CHN2: variants seen among roughly 807,000 people sequenced by gnomAD.
CHN2 encodes the protein chimerin 2, also known as beta-chimaerin.
CHN2 carries 35 observed loss-of-function variants against 56.3 expected under a neutral mutation model. The observed-to-expected ratio is 0.62, with a 90% CI of 0.47 to 0.82. The LOEUF (loss-of-function observed/expected upper bound fraction) is 0.82, where lower values mean the gene tolerates loss of function less well. Among genes scored for constraint, CHN2 ranks in the 40% least tolerant of loss-of-function variants. The pLI is 0.00. For missense variants in CHN2, 491 were observed against 580.5 expected (o/e 0.85, Z 1.58); for synonymous variants, 210 against 212.8 (o/e 0.99, Z 0.12).
At chr7:29,181,391 G>C (rs961797828) in intron 2 of CHN2, 2 of 152,128 alleles carry the variant, frequency 1.3e-5, no homozygotes, top group African/African-American at 4.8e-5. Context: ...CCACTGACGT[G>C]TTCAACTTAC....
chr7:29,390,635 T>C (rs1801289716), intron 3 of CHN2, among the ~76,000 whole-genome samples: 1 of 152,246 alleles, frequency 6.6e-6, no homozygotes, highest in Admixed American at 6.5e-5. Context: ...TCCTGTCGCC[T>C]TCACACCTAC....
At chr7:29,403,199 TA>T (rs1247045016) in intron 6 of CHN2, among the ~76,000 whole-genome samples, 1 of 151,998 alleles carries the variant, frequency 6.6e-6, no homozygotes, top group Non-Finnish European at 1.5e-5. Context: ...CAAGTGGAAT[TA>T]TTAAAGGTCT....
chr7:29,503,511 A>T (rs568763438), intron 9 of CHN2, among the ~76,000 whole-genome samples: 4 of 152,228 alleles, frequency 2.6e-5, no homozygotes, highest in Non-Finnish European at 5.9e-5. Context: ...TGGCAACTCC[A>T]GTTGATCAGT....
chr7:29,472,970 G>A (rs150641991), intron 6 of CHN2, among the ~76,000 whole-genome samples: 113 of 152,304 alleles, frequency 7.4e-4, no homozygotes, highest in African/African-American at 2.4e-3. Flanking sequence ...AGGCTAGCAG[G>A]CTAGTGAGGG....
chr7:29,445,556 G>T (rs1783973071), intron 6 of CHN2, among the ~76,000 whole-genome samples: 1 of 152,170 alleles, frequency 6.6e-6, no homozygotes, highest in African/African-American at 2.4e-5. Context: ...CTGCACTGTT[G>T]TGAGAGCCGT....
At position 29,331,714 on chromosome 7, in the gene CHN2, G is replaced by A. The variant is rs1796230294; in HGVS notation, c.50-22911G>A. Among the ~76,000 whole-genome samples the A allele has an allele frequency of 2.0e-5, 3 of 152,316 alleles. No individual in the cohort carries two copies. The Middle Eastern group carries it at 0.01, about 518-fold the overall frequency. ...ATTTTTCATTGGATTGACTGGGAGA[G>A]GGAAGGAGTGCAGAGGGTGGTTAAA... On this transcript the variant is annotated intron_variant, in intron 1 of 12. Transcript: ENST00000222792.
intron 1 of CHN2, among the ~76,000 whole-genome samples, chr7:29,235,143 A>G (rs1032795309): frequency 6.6e-6 from 1 of 152,208 alleles, no homozygotes; most frequent in Non-Finnish European, 1.5e-5. Context: ...GCATCCGACA[A>G]AGGTCTAATA....
chr7:29,360,978 G>A (rs930379503), intron 2 of CHN2, among the ~76,000 whole-genome samples: 2 of 152,222 alleles, frequency 1.3e-5, no homozygotes. Flanking sequence ...CCACCTCCGT[G>A]TTCCCCAGTG....
At chr7:29,166,589 G>A (rs929011613) in intron 2 of CHN2, among the ~76,000 whole-genome samples, 1 of 152,038 alleles carries the variant, frequency 6.6e-6, no homozygotes, top group Non-Finnish European at 1.5e-5. Context: ...AGTGATCTCT[G>A]GCAGGTGGTT....
intron 1 of CHN2, among the ~76,000 whole-genome samples, chr7:29,218,406 G>T (rs978702527): frequency 2.0e-5 from 3 of 151,970 alleles, no homozygotes; most frequent in Non-Finnish European, 4.4e-5. Context: ...GATTCCTCAG[G>T]GATCTAGAAC....
intron 4 of CHN2, among the ~76,000 whole-genome samples, chr7:29,394,827 C>T (rs1801619656): frequency 6.6e-6 from 1 of 152,164 alleles, no homozygotes; most frequent in Non-Finnish European, 1.5e-5. Context: ...GTTTATTATG[C>T]ATTTTCTTTT....
chr7:29,372,804 C>T (rs927777451), intron 3 of CHN2, among the ~76,000 whole-genome samples: 8 of 152,126 alleles, frequency 5.3e-5, no homozygotes, highest in African/African-American at 1.9e-4. Flanking sequence ...TCCAAAAGGC[C>T]AAAATGGCAA....
At chr7:29,238,249 A>T (rs1314395326) in intron 1 of CHN2, among the ~76,000 whole-genome samples, 1 of 151,804 alleles carries the variant, frequency 6.6e-6, no homozygotes, top group East Asian at 1.9e-4. Context: ...TGATCTCCTG[A>T]CCTCAGGATC....
At chr7:29,255,924 A>T (rs546790246) in intron 1 of CHN2, among the ~76,000 whole-genome samples, 16 of 152,300 alleles carry the variant, frequency 1.1e-4, no homozygotes, top group African/African-American at 3.4e-4. Flanking sequence ...ATGCTATTAA[A>T]TGCAATCAGA....
At chr7:29,194,711 C>T, upstream of CHN2, 1 of 411,868 alleles carries the variant, frequency 2.4e-6, no homozygotes, top group East Asian at 4.0e-5. Flanking sequence ...CATAGAAAAG[C>T]GTGCAAAGGC....
rs1478151029 is a variant in CHN2 at position 29,213,142 on chromosome 7, G to A, written c.49+18152G>A. The A allele has an allele frequency of 5.2e-6, 8 of 1,538,720 alleles. No individual in the cohort carries two copies. The South Asian group carries it at 7.8e-5, about 15-fold the overall frequency. On this transcript the variant is annotated intron_variant, in intron 1 of 12. Transcript: ENST00000222792. ...CCTTAATGTAATAAGCAAATGACTA[G>A]GTATTTTAGTACTCCACAAACCATG...
At chr7:29,231,331 C>G (rs533658552) in intron 1 of CHN2, among the ~76,000 whole-genome samples, 150 of 152,174 alleles carry the variant, frequency 9.9e-4, no homozygotes, top group African/African-American at 3.5e-3. Flanking sequence ...GTGAAATGAG[C>G]AAAAATTCAT....
At chr7:29,353,050 C>T (rs1390833801) in intron 1 of CHN2, among the ~76,000 whole-genome samples, 1 of 152,140 alleles carries the variant, frequency 6.6e-6, no homozygotes, top group African/African-American at 2.4e-5. Flanking sequence ...CATGGTAAAC[C>T]ATCACTAACG....
intron 6 of CHN2, among the ~76,000 whole-genome samples, chr7:29,471,245 A>G (rs966060912): frequency 1.3e-5 from 2 of 152,348 alleles, no homozygotes; most frequent in Middle Eastern, 3.4e-3. Flanking sequence ...ACTGCATACA[A>G]AACAAAACAA....
Sources: gnomAD v4.1 joint callset for allele counts (sites outside exome capture counted in the v4.1 genomes callset) on GRCh38, gnomAD v4.1.1 for gene constraint, MANE v1.5 for transcripts, NCBI Gene and HGNC (gene_info 2026-07-23, HGNC 2026-07-21) for gene names.